The following ACLY variants were observed in gnomAD, a reference collection of about 807,000 sequenced individuals.
ACLY encodes the protein ATP citrate lyase.
A neutral mutation model predicts 133.0 loss-of-function variants in ACLY; 41 were observed. That is an observed-to-expected ratio of 0.31 (90% confidence interval 0.24 to 0.40). ACLY has a LOEUF of 0.40. Ranked by LOEUF, ACLY falls within the 10% of genes least tolerant of loss-of-function variation. The pLI is 1.00. For synonymous variants in ACLY, 495 were observed against 549.3 expected (o/e 0.90, Z 1.38); for missense variants, 1,046 against 1,453.8 (o/e 0.72, Z 4.56).
rs1463388725 is a variant in ACLY at position 41,904,067 on chromosome 17, A to C, written c.1065+662T>G. Among the ~76,000 whole-genome samples, 3 of 151,260 alleles carry C rather than the reference A, an allele frequency of 2.0e-5. No individual in the cohort carries two copies. In the East Asian group the frequency reaches 5.9e-4, roughly 30 times the overall value. On this transcript the variant is annotated intron_variant, in intron 10 of 28. Coordinates refer to ENST00000352035, the MANE Select transcript of ACLY (RefSeq NM_001096.3). ...AGGAGGCAGAGGCTGTAGTGAGCTG[A>C]GATCGTGCCATTGCACTCCAGCCTC...
chr17:41,890,933 G>C (rs1325318976), intron 16 of ACLY, among the ~76,000 whole-genome samples: 1 of 151,026 alleles, frequency 6.6e-6, no homozygotes, highest in Non-Finnish European at 1.5e-5. Flanking sequence ...TTGAGCCTGG[G>C]AAGTGGAGGC....
In ACLY at chr17:41,872,033, A is replaced by G. The variant is rs1555625179; in HGVS notation, c.2792T>C (p.Ile931Thr). ...ACCTCCCATGATGACAGTACTTACG[A>G]TGGTGAGCAGCCCCGAGGTGAGGCT... ...VSSLTSGLLTIGDRFGGALDA... is the reference protein window; with the variant it reads ...VSSLTSGLLTTGDRFGGALDA... Residue 931 changes from isoleucine (I) to threonine (T), a missense_variant and splice_region_variant, in exon 24 of 29, where the codon ATC (isoleucine) becomes ACC (threonine). Ile to Thr is a moderately conservative substitution (Grantham distance 89). Transcript: ENST00000352035. 6.2e-7 allele frequency: 1 copy of G among 1,613,972 alleles called. No homozygotes were observed. Among genetic ancestry groups the G allele is most frequent in the Non-Finnish European group, 8.5e-7 (1 of 1,179,946 alleles).
chr17:41,912,125 A>AG, intron 3 of ACLY, among the ~76,000 whole-genome samples: 1 of 152,168 alleles, frequency 6.6e-6, no homozygotes, highest in Middle Eastern at 3.4e-3. Flanking sequence ...AAAAAAAAAA[A>AG]AAAGAATCAG....
chr17:41,906,102 A>ATAT (rs1555632603), intron 8 of ACLY, among the ~76,000 whole-genome samples: 2 of 152,220 alleles, frequency 1.3e-5, no homozygotes, highest in African/African-American at 4.8e-5. Flanking sequence ...AAAACTGCTA[A>ATAT]TTATTGTAAA....
Position 41,887,644 on chromosome 17 carries a change from G to C in ACLY, c.1830C>G (p.Ile610Met), listed in dbSNP as rs2049091436. 1.2e-6 allele frequency: 2 copies of C among 1,613,744 alleles called. No individual in the cohort carries two copies. The highest frequency in any genetic ancestry group is 1.7e-6 in the Non-Finnish European group (2 of 1,179,870). Residue 610 changes from isoleucine to methionine, a missense_variant, in exon 17 of 29, where the codon ATC becomes ATG. Ile to Met is a conservative substitution (Grantham distance 10). Transcript: ENST00000352035. Reference sequence around the variant, plus strand: ...TCACTCCCTTCTGGTCCGCCTTCTTGATCAGCTTTCTCGTGAGGGCCTCAG... The same window carrying C: ...TCACTCCCTTCTGGTCCGCCTTCTTCATCAGCTTTCTCGTGAGGGCCTCAG... ...GIPEALTRKL[I>M]KKADQKGVTI...
rs2048834759 is a variant in ACLY at position 41,879,000 on chromosome 17, A to T, written c.2266-76T>A. ...TAGAATCCCATGTAAAGTGTGCTAA[A>T]CACTTTACATGAATCACTTCATTTA... is the stretch of plus-strand genomic sequence containing the variant. On this transcript the variant is annotated intron_variant, in intron 20 of 28. Transcript: ENST00000352035. 2.5e-6 allele frequency: 4 copies of T among 1,576,812 alleles called. No homozygotes were observed. The Admixed American group carries it at 6.7e-5, about 26-fold the overall frequency.
intron 20 of ACLY, 116 bp downstream of exon 20, chr17:41,883,006 C>T: frequency 2.3e-6 from 2 of 853,000 alleles, no homozygotes; most frequent in Non-Finnish European, 1.8e-6. Context: ...AAGCAAGTAA[C>T]AAACGTTTCT....
chr17:41,889,735 G>C (rs1207215396), intron 16 of ACLY, among the ~76,000 whole-genome samples: 1 of 146,748 alleles, frequency 6.8e-6, no homozygotes, highest in Non-Finnish European at 1.5e-5. Flanking sequence ...GCCCAGGCTG[G>C]AGTACAATAG....
At chr17:41,926,650 G>A (rs1295376325) in intron 1 of ACLY, among the ~76,000 whole-genome samples, 6 of 151,080 alleles carry the variant, frequency 4.0e-5, no homozygotes, top group Admixed American at 3.3e-4. Flanking sequence ...CACCATGTCC[G>A]GCTAATTTTT....
intron 22 of ACLY, among the ~76,000 whole-genome samples, chr17:41,874,791 T>C (rs1298535460): frequency 3.3e-5 from 5 of 150,996 alleles, no homozygotes; most frequent in Non-Finnish European, 7.4e-5. Context: ...GCCAGGATGG[T>C]CTCAATCTCC....
intron 15 of ACLY, among the ~76,000 whole-genome samples, 167 bp downstream of exon 15, chr17:41,892,865 TG>T (rs1184653749): frequency 1.3e-5 from 2 of 152,048 alleles, no homozygotes; most frequent in African/African-American, 4.8e-5. Context: ...TCTGTAGAGA[TG>T]GGGGTCTCCC....
At position 41,898,303 on chromosome 17, in the gene ACLY, C is replaced by T. The variant is rs138670019; in HGVS notation, c.1338+328G>A. 7.6e-3 allele frequency among the ~76,000 whole-genome samples: 1,156 copies of T among 152,124 alleles called. 10 individuals carry two copies. Among genetic ancestry groups the T allele is most frequent in the African/African-American group, 0.027 (1,106 of 41,518 alleles). On this transcript the variant is annotated intron_variant, in intron 12 of 28. Coordinates refer to ENST00000352035, the MANE Select transcript of ACLY (RefSeq NM_001096.3). ...AACTTTTGTATTTTTAGTAGAGACACGGTTTCACCATGTTGGCCAGGCTGG... is the reference window on the plus strand; with the variant it reads ...AACTTTTGTATTTTTAGTAGAGACATGGTTTCACCATGTTGGCCAGGCTGG...
chr17:41,907,326 C>A, intron 7 of ACLY, 116 bp downstream of exon 7: 2 of 742,844 alleles, frequency 2.7e-6, no homozygotes, highest in Non-Finnish European at 4.1e-6. Context: ...GCTTCTCAGT[C>A]TTCCTTTCCC....
At position 41,899,541 on chromosome 17, in the gene ACLY, C is replaced by T. The variant is rs140081051; in HGVS notation, c.1184-756G>A. ...TGCTCTCTGGTCTCCCAGCTCAACC[C>T]AAGCACTACCTCCTGAGAAAGGCCC... On this transcript the variant is annotated intron_variant, in intron 11 of 28. Coordinates refer to ENST00000352035, the MANE Select transcript of ACLY (RefSeq NM_001096.3). Among the ~76,000 whole-genome samples the T allele has an allele frequency of 3.3e-5, 5 of 152,294 alleles. No individual in the cohort carries two copies. In the East Asian group the frequency reaches 9.7e-4, roughly 30 times the overall value.
At chr17:41,897,901 G>T in intron 12 of ACLY, 62 bp from the exon 13 acceptor site, 1 of 1,442,714 alleles carries the variant, frequency 6.9e-7, no homozygotes, top group Non-Finnish European at 9.5e-7. Context: ...AAAGCCACTG[G>T]TCCTTAAAGG....
At chr17:41,871,936 A>G in intron 24 of ACLY, 96 bp downstream of exon 24, 1 of 1,592,750 alleles carries the variant, frequency 6.3e-7, no homozygotes, top group Middle Eastern at 1.9e-4. Context: ...TGGGTTTTAC[A>G]CTCAGGGGCT....
intron 16 of ACLY, among the ~76,000 whole-genome samples, chr17:41,890,153 T>A (rs1416663477): frequency 6.6e-6 from 1 of 152,204 alleles, no homozygotes; most frequent in Non-Finnish European, 1.5e-5. Flanking sequence ...GCAGATTATA[T>A]GAGTGGCATA....
intron 16 of ACLY, among the ~76,000 whole-genome samples, chr17:41,889,712 G>A (rs899311474): frequency 8.0e-4 from 120 of 150,216 alleles, no homozygotes; most frequent in African/African-American, 2.6e-3. Context: ...TTTTTGAGAT[G>A]GAGTCTCTCG....
At chr17:41,919,159 C>T (rs993926652), upstream of ACLY, 1 of 995,598 alleles carries the variant, frequency 1.0e-6, no homozygotes, top group Non-Finnish European at 1.3e-6. Flanking sequence ...CCCGCTGGCC[C>T]ATCCACCGCC....
Sources: gnomAD v4.1 joint callset for allele counts (sites outside exome capture counted in the v4.1 genomes callset) on GRCh38, gnomAD v4.1.1 for gene constraint, MANE v1.5 for transcripts, NCBI Gene and HGNC (gene_info 2026-07-23, HGNC 2026-07-21) for gene names.